The following MIGA1 variants were observed in gnomAD, a reference collection of about 807,000 sequenced individuals.
MIGA1 encodes the protein mitoguardin 1, also known as family with sequence similarity 73, member A.
MIGA1 carries 58 observed loss-of-function variants against 82.0 expected under a neutral mutation model. The observed-to-expected ratio is 0.71, with a 90% CI of 0.57 to 0.88. The LOEUF (loss-of-function observed/expected upper bound fraction) is 0.88, where lower values mean the gene tolerates loss of function less well. Ranked by LOEUF, MIGA1 falls within the 40% of genes least tolerant of loss-of-function variation. The pLI is 0.00. For synonymous variants in MIGA1, 249 were observed against 253.6 expected, an observed-to-expected ratio of 0.98 and a Z score of 0.17; for missense variants, 751 against 749.1, an observed-to-expected ratio of 1.00 and a Z score of -0.03.
Position 77,863,993 on chromosome 1 carries a change from A to C in MIGA1, c.1474A>C (p.Asn492His). 3 of 1,608,032 alleles carry C rather than the reference A, an allele frequency of 1.9e-6. No individual in the cohort carries two copies. The highest frequency in any genetic ancestry group is 2.5e-6 in the Non-Finnish European group (3 of 1,178,758). ...ACCCACATCCATACAGAATGTAGTA[A>C]ATAATCGATGGCTAAACTCATCCTT... The change falls in exon 13 of 16, where the codon AAT (asparagine) becomes CAT (histidine). Residue 492 changes from asparagine (N) to histidine (H), a missense_variant. Physicochemically the swap from Asn to His is moderately conservative, Grantham distance 68. Around this residue, in one of 3 missense-constraint regions of MIGA1, gnomAD observed 265 missense variants for 293.6 expected, o/e 0.90. Coordinates refer to ENST00000370791, the MANE Select transcript of MIGA1 (RefSeq NM_198549.4).
At chr1:77,786,127 G>T (rs1328300340) in intron 2 of MIGA1, among the ~76,000 whole-genome samples, 2 of 152,226 alleles carry the variant, frequency 1.3e-5, no homozygotes, top group African/African-American at 2.4e-5. Flanking sequence ...AGTTGCTAAG[G>T]CTTGTGGCTT....
chr1:77,820,700 T>C (rs1038863121), intron 7 of MIGA1, among the ~76,000 whole-genome samples: 2 of 152,198 alleles, frequency 1.3e-5, no homozygotes, highest in East Asian at 3.9e-4. Context: ...TCCACTGATA[T>C]CCTATTCATG....
rs779146133 is a variant in MIGA1, at chr1:77,803,293, C to G, written c.397C>G (p.Gln133Glu). Residue 133 changes from glutamine to glutamate, a missense_variant, in exon 4 of 16, where the codon CAG becomes GAG. Coordinates refer to ENST00000370791, the MANE Select transcript of MIGA1 (RefSeq NM_198549.4). ...AGGTTCAAGTTGTTCCAGTAGCAGA[C>G]AGAATTTGACATTATCTTTAAGTTC... 6.5e-7 allele frequency: 1 copy of G among 1,531,314 alleles called. No homozygotes were observed. Among genetic ancestry groups the G allele is most frequent in the Non-Finnish European group, 8.8e-7 (1 of 1,138,702 alleles). The allele number at this position is 1,531,314 out of a possible 1,614,324, so 94.9% of individuals were successfully genotyped here.
intron 2 of MIGA1, among the ~76,000 whole-genome samples, chr1:77,791,014 A>AG (rs1476688404): frequency 6.6e-6 from 1 of 152,114 alleles, no homozygotes. Context: ...TTTGGCTGGC[A>AG]GGAGGATTGC....
intron 8 of MIGA1, among the ~76,000 whole-genome samples, chr1:77,851,361 TA>T (rs1238943499): frequency 2.0e-5 from 3 of 151,834 alleles, no homozygotes; most frequent in East Asian, 3.9e-4. Flanking sequence ...TTTCAGCTAG[TA>T]AAAAAAAGAC....
intron 7 of MIGA1, among the ~76,000 whole-genome samples, chr1:77,829,331 G>T (rs558508367): frequency 1.3e-5 from 2 of 152,246 alleles, no homozygotes; most frequent in Non-Finnish European, 2.9e-5. Flanking sequence ...TATGCCTGTT[G>T]TCTCAGCTAC....
intron 2 of MIGA1, among the ~76,000 whole-genome samples, chr1:77,784,989 G>T (rs1161512528): frequency 6.6e-6 from 1 of 151,970 alleles, no homozygotes; most frequent in Admixed American, 6.6e-5. Flanking sequence ...CACAACACGT[G>T]GGAATTCAAG....
At chr1:77,832,842 G>A (rs924300326) in intron 7 of MIGA1, among the ~76,000 whole-genome samples, 1 of 152,216 alleles carries the variant, frequency 6.6e-6, no homozygotes, top group Non-Finnish European at 1.5e-5. Flanking sequence ...GTCTGGAAGT[G>A]TGGCTGGCAC....
chr1:77,831,196 T>C (rs923961577), intron 7 of MIGA1, among the ~76,000 whole-genome samples: 5 of 152,230 alleles, frequency 3.3e-5, no homozygotes, highest in Non-Finnish European at 5.9e-5. Context: ...TCTTTAGTTA[T>C]CTGCAGCTGT....
At chr1:77,838,584 G>T (rs912573668) in intron 7 of MIGA1, among the ~76,000 whole-genome samples, 9 of 151,938 alleles carry the variant, frequency 5.9e-5, no homozygotes, top group African/African-American at 2.2e-4. Flanking sequence ...AGTAGCTGGG[G>T]TTACAGGTGC....
In MIGA1 at chr1:77,783,319, C is replaced by A; in HGVS notation, c.163C>A (p.Leu55Ile). 4 of 1,599,186 alleles carry A rather than the reference C, an allele frequency of 2.5e-6. No individual in the cohort carries two copies. The highest frequency in any genetic ancestry group is 3.4e-6 in the Non-Finnish European group (4 of 1,169,740). The change falls in exon 2 of 16, where the codon CTT becomes ATT. Residue 55 changes from leucine (L) to isoleucine (I), a missense_variant. Leu to Ile is a conservative substitution (Grantham distance 5). Transcript: ENST00000370791. The stretch of plus-strand genomic sequence containing the variant: ...GACAGCAGCGCTAAGAGTGTTTGAT[C>A]TTCCTCTGACTTGGTACTATTCTCT...
chr1:77,847,744 A>G (rs1043917967), intron 8 of MIGA1: 13 of 1,592,134 alleles, frequency 8.2e-6, no homozygotes, highest in Admixed American at 3.4e-5. Flanking sequence ...AGCTTTCGTG[A>G]AGCCAGATCT....
At position 77,811,810 on chromosome 1, in the gene MIGA1, C is replaced by T. The variant is rs373450386; in HGVS notation, c.638-1924C>T. ...CGGTCCCCACCCCGTCCCCTCCCGCCCCTACCCCAGCAAGGCCGGGTTCTA... is the reference window on the plus strand; with the variant it reads ...CGGTCCCCACCCCGTCCCCTCCCGCTCCTACCCCAGCAAGGCCGGGTTCTA... On this transcript the variant is annotated intron_variant, in intron 5 of 15. Transcript: ENST00000370791. The T allele has an allele frequency of 1.6e-5, 25 of 1,524,832 alleles. No homozygotes were observed. In the East Asian group the frequency reaches 5.4e-4, roughly 33 times the overall value. 94.5% of individuals were successfully genotyped at this position (1,524,832 alleles called of 1,614,324 possible).
At chr1:77,856,827 C>A (rs968007967) in intron 8 of MIGA1, among the ~76,000 whole-genome samples, 1 of 151,930 alleles carries the variant, frequency 6.6e-6, no homozygotes, top group Admixed American at 6.6e-5. Flanking sequence ...AAAGAGCCAG[C>A]TTTTTGTTTC....
intron 1 of MIGA1, among the ~76,000 whole-genome samples, chr1:77,782,558 TA>T (rs1681969763): frequency 6.6e-6 from 1 of 152,250 alleles, no homozygotes; most frequent in Non-Finnish European, 1.5e-5. Context: ...TCTGGCTCTA[TA>T]AAGCAGAGAC....
At chr1:77,865,899 A>C (rs1571016115) in intron 13 of MIGA1, among the ~76,000 whole-genome samples, 1 of 151,748 alleles carries the variant, frequency 6.6e-6, no homozygotes. Context: ...GAGGACCCTG[A>C]CTAGTTTTGT....
chr1:77,806,832 C>A (rs879125306), intron 4 of MIGA1, 143 bp from the exon 5 acceptor site: 491 of 476,152 alleles, frequency 1.0e-3, no homozygotes, highest in Middle Eastern at 1.3e-3. Context: ...GATTGATTAT[C>A]ATCAGAATTA....
intron 7 of MIGA1, among the ~76,000 whole-genome samples, chr1:77,819,110 C>A (rs1448806636): frequency 1.3e-5 from 2 of 149,412 alleles, no homozygotes; most frequent in African/African-American, 4.9e-5. Flanking sequence ...AAAAGAAAAT[C>A]ATCTCAATCC....
At chr1:77,844,172 A>G (rs1684750956) in intron 8 of MIGA1, among the ~76,000 whole-genome samples, 1 of 147,780 alleles carries the variant, frequency 6.8e-6, no homozygotes. Flanking sequence ...AGATATAGAT[A>G]TATATGTATA....
Sources: allele counts gnomAD v4.1 joint callset (sites outside exome capture counted in the v4.1 genomes callset), GRCh38; gene constraint gnomAD v4.1.1; regional missense constraint gnomAD v4.1.1; transcripts MANE v1.5; gene names NCBI Gene and HGNC (gene_info 2026-07-23, HGNC 2026-07-21).